ZNF317: variants seen among roughly 807,000 people sequenced by gnomAD.
The protein encoded by ZNF317 is KRAB-containing zinc finger protein 317.
A neutral mutation model predicts 23.4 loss-of-function variants in ZNF317; 17 were observed. The observed-to-expected ratio is 0.73, with a 90% CI of 0.50 to 1.09. The LOEUF is 1.09. Ranked by LOEUF, ZNF317 falls within the 50% of genes least tolerant of loss-of-function variation. ZNF317 has a pLI of 0.00. For synonymous variants in ZNF317, 317 were observed against 314.9 expected (o/e 1.01, Z -0.07); for missense variants, 679 against 796.7 (o/e 0.85, Z 1.78).
At chr19:9,158,961 G>T in intron 6 of ZNF317, 53 bp downstream of exon 6, 1 of 1,294,786 alleles carries the variant, frequency 7.7e-7, no homozygotes, top group East Asian at 2.3e-5. Flanking sequence ...TGAGGAGACT[G>T]GGGCAGCCTA....
At chr19:9,149,319 C>A (rs6511895) in intron 1 of ZNF317, among the ~76,000 whole-genome samples, 9 of 151,658 alleles carry the variant, frequency 5.9e-5, no homozygotes, top group Non-Finnish European at 1.0e-4. Context: ...ACTAAAAGTA[C>A]AAAAATTAGC....
chr19:9,147,617 G>A (rs8113690), intron 1 of ZNF317, among the ~76,000 whole-genome samples: 13 of 152,122 alleles, frequency 8.5e-5, no homozygotes, highest in Admixed American at 2.0e-4. Flanking sequence ...GATTACAGGC[G>A]TGAGCCACCA....
rs896616222 is a variant in ZNF317, at chr19:9,161,655, G to A, written c.*222G>A. 3.3e-5 allele frequency: 19 copies of A among 571,704 alleles called. No homozygotes were observed. The highest frequency in any genetic ancestry group is 5.7e-5 in the Non-Finnish European group (19 of 333,254). The allele number at this position is 571,704 out of a possible 1,614,324, so 35.4% of individuals were successfully genotyped here. ...TGAAAATGTACGTCTGTAGCATGGA[G>A]AAGCCTTCAGGGTACATTCAGCTCT... On this transcript the variant is annotated 3_prime_UTR_variant, in exon 7 of 7. Transcript: ENST00000247956. This position sits in a 1 kb window ranked among gnomAD's most constrained non-coding sequence, Gnocchi z 4.0.
In ZNF317 at chr19:9,160,361, G is replaced by T. The variant is rs867982372; in HGVS notation, c.716G>T (p.Arg239Leu). ...KAFTTSASLT[R>L]HRRIHTGEKP... ...TTCACCACGAGCGCGTCCCTCACAC[G>T]GCACAGGAGAATCCACACCGGGGAG... Residue 239 changes from arginine to leucine, a missense_variant, in exon 7 of 7, where the codon CGG becomes CTG. By Grantham distance (102) the Arg-to-Leu change is moderately radical. Coordinates refer to ENST00000247956, the MANE Select transcript of ZNF317 (RefSeq NM_020933.5). The surrounding 1 kb of genome is among the most constrained non-coding windows in gnomAD (Gnocchi z 6.8). 15 of 1,614,038 alleles carry T rather than the reference G, an allele frequency of 9.3e-6. No individual in the cohort carries two copies. Among genetic ancestry groups the T allele is most frequent in the African/African-American group, 1.3e-5 (1 of 74,916 alleles).
intron 1 of ZNF317, among the ~76,000 whole-genome samples, chr19:9,143,432 C>T (rs1300911450): frequency 6.6e-6 from 1 of 152,020 alleles, no homozygotes; most frequent in African/African-American, 2.4e-5. Flanking sequence ...CCTGTCACAT[C>T]CCAAAGAATT....
Position 9,160,987 on chromosome 19 carries a change from T to A in ZNF317, c.1342T>A (p.Cys448Ser). Residue 448 changes from cysteine (C) to serine (S), a missense_variant, in exon 7 of 7, where the codon TGC becomes AGC. Physicochemically the swap from Cys to Ser is moderately radical, Grantham distance 112. Transcript: ENST00000247956. The surrounding 1 kb of genome is among the most constrained non-coding windows in gnomAD (Gnocchi z 6.8). ...NSHTGEKPYGCDLCGKAFSAS... is the reference protein window; with the variant it reads ...NSHTGEKPYGSDLCGKAFSAS... ...TCACACTGGAGAGAAACCATACGGG[T>A]GCGATCTCTGCGGGAAAGCTTTCAG... The A allele has an allele frequency of 6.2e-7, 1 of 1,614,108 alleles. No homozygotes were observed. The highest frequency in any genetic ancestry group is 1.1e-5 in the South Asian group (1 of 91,082).
chr19:9,156,546 T>C, intron 2 of ZNF317, 66 bp from the exon 3 acceptor site: 2 of 1,562,764 alleles, frequency 1.3e-6, no homozygotes, highest in Non-Finnish European at 8.6e-7. Flanking sequence ...AGTTTCCTGG[T>C]TTACAAGTGT....
chr19:9,156,097 A>G, intron 2 of ZNF317, 56 bp downstream of exon 2: 1 of 1,606,030 alleles, frequency 6.2e-7, no homozygotes, highest in Non-Finnish European at 8.5e-7. Flanking sequence ...GGCCCCTGCC[A>G]CTTGATGGGG....
In ZNF317 at chr19:9,158,927, A is replaced by G; in HGVS notation, c.468+19A>G. On this transcript the variant is annotated intron_variant, in intron 6 of 6. Coordinates refer to ENST00000247956, the MANE Select transcript of ZNF317 (RefSeq NM_020933.5). ...GACGATGGTAAGATTTCCGTGGGATAATTCTGGATCTTCCTTCCACGTCTG... is the reference window on the plus strand; with the variant it reads ...GACGATGGTAAGATTTCCGTGGGATGATTCTGGATCTTCCTTCCACGTCTG... 1 of 1,566,914 alleles carries G rather than the reference A, an allele frequency of 6.4e-7. No homozygotes were observed. The highest frequency in any genetic ancestry group is 8.8e-7 in the Non-Finnish European group (1 of 1,137,384).
At chr19:9,158,753 T>C in intron 5 of ZNF317, 73 bp from the exon 6 acceptor site, 1 of 999,162 alleles carries the variant, frequency 1.0e-6, no homozygotes, top group South Asian at 1.3e-5. Context: ...TGCCAAGAAA[T>C]CCACCTGTCA....
chr19:9,147,759 C>G (rs1325669126), intron 1 of ZNF317, among the ~76,000 whole-genome samples: 5 of 152,138 alleles, frequency 3.3e-5, no homozygotes, highest in African/African-American at 1.2e-4. Context: ...ATGCTGAAAT[C>G]TTCCTGCTTT....
chr19:9,153,886 T>C (rs563443832), intron 1 of ZNF317, among the ~76,000 whole-genome samples: 25 of 152,178 alleles, frequency 1.6e-4, no homozygotes, highest in African/African-American at 4.1e-4. Context: ...GTGTACTGAA[T>C]TGGGAGATGG....
intron 1 of ZNF317, among the ~76,000 whole-genome samples, chr19:9,154,931 A>T (rs1168621275): frequency 6.6e-6 from 1 of 152,160 alleles, no homozygotes; most frequent in African/African-American, 2.4e-5. Flanking sequence ...CATTTCTCTA[A>T]TGACTATGAT....
chr19:9,147,680 C>T (rs185095715), intron 1 of ZNF317, among the ~76,000 whole-genome samples: 143 of 152,214 alleles, frequency 9.4e-4, no homozygotes, highest in African/African-American at 2.7e-3. Context: ...CGGGGCAGAA[C>T]GTCTCTGAGT....
chr19:9,141,349 GATT>G (rs1315533252), intron 1 of ZNF317, among the ~76,000 whole-genome samples: 1 of 152,146 alleles, frequency 6.6e-6, no homozygotes. Context: ...CCAAGAAAGA[GATT>G]ATTAAATCTC....
At chr19:9,143,980 C>CT (rs1568310295) in intron 1 of ZNF317, among the ~76,000 whole-genome samples, 1 of 105,676 alleles carries the variant, frequency 9.5e-6, no homozygotes, top group South Asian at 2.8e-4. Flanking sequence ...TTATTGTACT[C>CT]TTTTTTCTTT....
At chr19:9,148,418 A>C (rs756636238) in intron 1 of ZNF317, among the ~76,000 whole-genome samples, 6 of 152,064 alleles carry the variant, frequency 3.9e-5, no homozygotes, top group Admixed American at 2.6e-4. Context: ...TCCTTCATGG[A>C]GGGTGGTGGT....
intron 2 of ZNF317, 61 bp downstream of exon 2, chr19:9,156,102 A>T: frequency 5.0e-6 from 8 of 1,591,740 alleles, no homozygotes; most frequent in Non-Finnish European, 6.9e-6. Flanking sequence ...CTGCCACTTG[A>T]TGGGGTGAAA....
chr19:9,158,364 T>C (rs955623374), intron 5 of ZNF317, among the ~76,000 whole-genome samples: 9 of 47,190 alleles, frequency 1.9e-4, no homozygotes, highest in South Asian at 5.7e-4. Flanking sequence ...TTCTTTTTTC[T>C]TTTTTTTTTT....
Sources: allele counts gnomAD v4.1 joint callset (sites outside exome capture counted in the v4.1 genomes callset), GRCh38; gene constraint gnomAD v4.1.1; non-coding constraint Gnocchi (gnomAD v3.1); transcripts MANE v1.5; gene names NCBI Gene and HGNC (gene_info 2026-07-23, HGNC 2026-07-21).